SYMPK: variants seen among roughly 807,000 people sequenced by gnomAD.
SYMPK encodes the protein symplekin scaffold protein, also known as symplekin.
A neutral mutation model predicts 136.4 loss-of-function variants in SYMPK; 49 were observed. The ratio of observed to expected loss-of-function variants is 0.36; its 90% CI spans 0.29 to 0.46. The LOEUF (loss-of-function observed/expected upper bound fraction) is 0.46, where lower values mean the gene tolerates loss of function less well. SYMPK is among the 20% of genes least tolerant of loss of function. The pLI is 1.00. For missense variants in SYMPK, 1,365 were observed against 1,690.0 expected (o/e 0.81, Z 3.37); for synonymous variants, 766 against 713.0 (o/e 1.07, Z -1.19).
At chr19:45,846,148 A>C (rs1344454346) in intron 7 of SYMPK, among the ~76,000 whole-genome samples, 1 of 152,218 alleles carries the variant, frequency 6.6e-6, no homozygotes, top group East Asian at 1.9e-4. Flanking sequence ...AGGCAGGAGA[A>C]TGGCGTGAAC....
At chr19:45,831,301 G>A (rs191373875) in intron 12 of SYMPK, 83 bp downstream of exon 12, 174 of 913,546 alleles carry the variant, frequency 1.9e-4, no homozygotes, top group African/African-American at 1.4e-3. Context: ...ACACGCACAC[G>A]CACACGCACA....
In SYMPK at chr19:45,818,054, T is replaced by C. The variant is rs983289334; in HGVS notation, c.2986A>G (p.Met996Val). The part of the protein sequence containing the change: ...QQLMEQSPLP[M>V]LLMRTVIQSL... ...TGGATGACGGTCCTCATGAGCAGCA[T>C]GGGCAGGGGGCTCTGCTCCATCAGC... Residue 996 changes from methionine to valine, a missense_variant, in exon 23 of 27, where the codon ATG (methionine) becomes GTG (valine). Transcript: ENST00000245934. 2 of 1,568,220 alleles carry C rather than the reference T, an allele frequency of 1.3e-6. No individual in the cohort carries two copies. Among genetic ancestry groups the C allele is most frequent in the Non-Finnish European group, 1.7e-6 (2 of 1,156,590 alleles).
intron 13 of SYMPK, 136 bp from the exon 14 acceptor site, chr19:45,829,341 A>T: frequency 1.5e-6 from 1 of 685,222 alleles, no homozygotes; most frequent in East Asian, 3.0e-5. Flanking sequence ...AGGCCAGCCG[A>T]GGACCCTTAT....
At chr19:45,827,150 G>T (rs1431800332) in intron 16 of SYMPK, among the ~76,000 whole-genome samples, 1 of 152,128 alleles carries the variant, frequency 6.6e-6, no homozygotes, top group Non-Finnish European at 1.5e-5. Flanking sequence ...CTCCCCTGCT[G>T]GGCTGGGCAA....
At chr19:45,843,359 C>T (rs556118754) in intron 8 of SYMPK, among the ~76,000 whole-genome samples, 16 of 152,250 alleles carry the variant, frequency 1.1e-4, no homozygotes, top group South Asian at 2.1e-4. Context: ...CCAGACTTCT[C>T]GGTTTTCGTT....
In SYMPK at chr19:45,816,786, G is replaced by C. The variant is rs944413797; in HGVS notation, c.3258+12C>G. 9.2e-6 allele frequency: 14 copies of C among 1,521,326 alleles called. No homozygotes were observed. The highest frequency in any genetic ancestry group is 1.2e-5 in the Non-Finnish European group (14 of 1,133,662). 94.2% of individuals were successfully genotyped at this position (1,521,326 alleles called of 1,614,324 possible). Reference sequence around the variant, plus strand: ...GTGGGGGGAAAGGGTACCTGGTGGGGGGAAGGGGTACCTGGTGGGGGGTGA... The same window carrying C: ...GTGGGGGGAAAGGGTACCTGGTGGGCGGAAGGGGTACCTGGTGGGGGGTGA... On this transcript the variant is annotated intron_variant, in intron 24 of 26. Coordinates refer to ENST00000245934, the MANE Select transcript of SYMPK (RefSeq NM_004819.3).
intron 1 of SYMPK, among the ~76,000 whole-genome samples, chr19:45,858,217 G>T (rs79648563): frequency 2.0e-5 from 3 of 151,980 alleles, no homozygotes; most frequent in Non-Finnish European, 4.4e-5. Flanking sequence ...CCTGCTGCCT[G>T]TCACCCCCTA....
chr19:45,818,295 G>C (rs539174695), intron 22 of SYMPK, 149 bp from the exon 23 acceptor site: 2 of 772,340 alleles, frequency 2.6e-6, no homozygotes, highest in East Asian at 5.9e-5. Flanking sequence ...AGACTCCCCC[G>C]ACCCAGCAGA....
chr19:45,815,457 C>A lies in SYMPK; in HGVS notation c.*103G>T. The A allele has an allele frequency of 8.6e-7, 1 of 1,168,650 alleles. No individual in the cohort carries two copies. The highest frequency in any genetic ancestry group is 1.2e-6 in the Non-Finnish European group (1 of 860,146). The allele number at this position is 1,168,650 out of a possible 1,614,324, so 72.4% of individuals were successfully genotyped here. A position where few individuals can be genotyped will look rare whatever the true frequency, so the allele number is the denominator to read the frequency against. On this transcript the variant is annotated 3_prime_UTR_variant, in exon 27 of 27. Coordinates refer to ENST00000245934, the MANE Select transcript of SYMPK (RefSeq NM_004819.3). ...TTCTTTTCAGTAACTTGCCCAAGTT[C>A]ACATCTTTTATTTCTTTTTAAGGCA...
chr19:45,820,966 T>C, intron 22 of SYMPK: 1 of 582,578 alleles, frequency 1.7e-6, no homozygotes, highest in African/African-American at 1.9e-5. Context: ...GCAGGCAAGC[T>C]CTCCTGCCTC....
intron 8 of SYMPK, 117 bp downstream of exon 8, chr19:45,843,913 C>T (rs371893772): frequency 5.0e-6 from 5 of 1,005,362 alleles, no homozygotes; most frequent in East Asian, 6.8e-5. Context: ...CACTGCACTC[C>T]AGCCTGGTGA....
intron 10 of SYMPK, among the ~76,000 whole-genome samples, chr19:45,836,324 C>T (rs2146322161): frequency 6.6e-6 from 1 of 152,100 alleles, no homozygotes; most frequent in African/African-American, 2.4e-5. Flanking sequence ...ACTTCCTATA[C>T]ATTTGAAGCT....
chr19:45,818,366 C>T (rs1395307345), intron 22 of SYMPK, among the ~76,000 whole-genome samples: 1 of 152,196 alleles, frequency 6.6e-6, no homozygotes, highest in Non-Finnish European at 1.5e-5. Context: ...GAGAAGACAT[C>T]CAACTCCAGG....
intron 10 of SYMPK, among the ~76,000 whole-genome samples, chr19:45,836,949 C>T (rs1568617350): frequency 6.6e-6 from 1 of 152,070 alleles, no homozygotes; most frequent in Non-Finnish European, 1.5e-5. Context: ...TGGAATACAG[C>T]TAAAATAGTA....
In SYMPK at chr19:45,816,186, G is replaced by A; in HGVS notation, c.3355-3C>T. The A allele has an allele frequency of 6.6e-7, 1 of 1,520,804 alleles. No individual in the cohort carries two copies. The highest frequency in any genetic ancestry group is 8.8e-7 in the Non-Finnish European group (1 of 1,131,666). 94.2% of individuals were successfully genotyped at this position (1,520,804 alleles called of 1,614,324 possible). On this transcript the variant is annotated splice_polypyrimidine_tract_variant and splice_region_variant and intron_variant, in intron 25 of 26. Transcript: ENST00000245934. ...AAGGTCAGGGGCTCCAGATCATCCT[G>A]GGGATAGGGAGGGCCACACAGAAGC... is the stretch of plus-strand genomic sequence containing the variant.
rs756777668 is a variant in SYMPK, at chr19:45,842,317, C to T, written c.1020G>A (p.Pro340=). 45 of 1,614,056 alleles carry T rather than the reference C, an allele frequency of 2.8e-5. No homozygotes were observed. The highest frequency in any genetic ancestry group is 4.5e-5 in the East Asian group (2 of 44,904). The change falls in exon 9 of 27, where the codon CCG becomes CCA. Residue 340 remains proline (P), a synonymous_variant. Transcript: ENST00000245934. Reference sequence around the variant, plus strand: ...GCCGCTTGCGGGTGTCCTTGCTGCTCGGCATGTTGCGGGCGATCTCGGCCT... The same window carrying T: ...GCCGCTTGCGGGTGTCCTTGCTGCTTGGCATGTTGCGGGCGATCTCGGCCT... ...TPQAEIARNM[P]SSKDTRKRPR... is the part of the protein sequence containing the mutation.
At chr19:45,850,681 G>A (rs1600527294) in intron 5 of SYMPK, among the ~76,000 whole-genome samples, 1 of 152,282 alleles carries the variant, frequency 6.6e-6, no homozygotes, top group Non-Finnish European at 1.5e-5. Context: ...ACTCATTCAC[G>A]TGTGCAACAA....
chr19:45,838,721 C>A, intron 9 of SYMPK, 106 bp from the exon 10 acceptor site: 2 of 1,240,626 alleles, frequency 1.6e-6, no homozygotes, highest in East Asian at 5.0e-5. Context: ...CCTCAGCAAA[C>A]AGGAGCAAAC....
At chr19:45,815,728 G>C in intron 26 of SYMPK, 31 bp from the exon 27 acceptor site, 1 of 1,604,564 alleles carries the variant, frequency 6.2e-7, no homozygotes, top group South Asian at 1.1e-5. Context: ...GGGCAGCCGG[G>C]TGGAGGGCGC....
Sources: allele counts gnomAD v4.1 joint callset (sites outside exome capture counted in the v4.1 genomes callset), GRCh38; gene constraint gnomAD v4.1.1; transcripts MANE v1.5; gene names NCBI Gene and HGNC (gene_info 2026-07-23, HGNC 2026-07-21).